SUB1: variants seen among roughly 807,000 people sequenced by gnomAD.
SUB1 encodes SUB1 regulator of transcription.
A neutral mutation model predicts 16.9 loss-of-function variants in SUB1; 1 was observed. That is an observed-to-expected ratio of 0.06 (90% confidence interval 0.02 to 0.28). The LOEUF (loss-of-function observed/expected upper bound fraction) is 0.28. Among genes scored for constraint, SUB1 ranks in the 10% least tolerant of loss-of-function variants. The pLI is 1.00. For synonymous variants in SUB1, 51 were observed against 46.9 expected (o/e 1.09, Z -0.36); for missense variants, 84 against 145.2 (o/e 0.58, Z 2.16).
chr5:32,589,784 G>C (rs1400207221), intron 2 of SUB1, among the ~76,000 whole-genome samples: 2 of 152,082 alleles, frequency 1.3e-5, no homozygotes, highest in Non-Finnish European at 2.9e-5. Flanking sequence ...TTGTAAAATA[G>C]TAAGTAATGA....
intron 3 of SUB1, among the ~76,000 whole-genome samples, chr5:32,592,652 A>G (rs567589238): frequency 2.0e-5 from 3 of 152,346 alleles, no homozygotes; most frequent in Admixed American, 2.0e-4. Context: ...CAGGTTAGGA[A>G]GAATGGACCA....
At chr5:32,590,976 C>T (rs1240531275) in intron 2 of SUB1, among the ~76,000 whole-genome samples, 1 of 151,652 alleles carries the variant, frequency 6.6e-6, no homozygotes, top group African/African-American at 2.4e-5. Context: ...CACCATGTGG[C>T]CAGGCTGGTC....
chr5:32,587,862 G>A (rs759182720), intron 1 of SUB1, among the ~76,000 whole-genome samples: 8 of 152,104 alleles, frequency 5.3e-5, no homozygotes, highest in Non-Finnish European at 1.2e-4. Flanking sequence ...GCCTGCTTTG[G>A]CCTCCTAAAG....
At position 32,602,387 on chromosome 5, in the gene SUB1, C is replaced by G. The variant is rs1739137136; in HGVS notation, c.*1303C>G. 3.3e-6 allele frequency: 1 copy of G among 304,852 alleles called. No individual in the cohort carries two copies. The highest frequency in any genetic ancestry group is 2.2e-5 in the African/African-American group (1 of 45,572). 18.9% of individuals were successfully genotyped at this position (304,852 alleles called of 1,614,324 possible). A position where few individuals can be genotyped will look rare whatever the true frequency, so the allele number is the denominator to read the frequency against. On this transcript the variant is annotated 3_prime_UTR_variant, in exon 5 of 5. Coordinates refer to ENST00000265073, the MANE Select transcript of SUB1 (RefSeq NM_006713.4). ...AGATTTTTATAACAGCAGTGGAACA[C>G]AATTCTAGGTAGAGTAGAAAAAGGA...
rs1419870953 is a variant in SUB1, at chr5:32,602,350, T to C, written c.*1266T>C. On this transcript the variant is annotated 3_prime_UTR_variant, in exon 5 of 5. Transcript: ENST00000265073. ...TTCTCTTCTATCTAAATGATATACA[T>C]ATGATATTTTGAGATTTTTATAACA... 7 of 338,990 alleles carry C rather than the reference T, an allele frequency of 2.1e-5. No individual in the cohort carries two copies. The highest frequency in any genetic ancestry group is 4.1e-5 in the Non-Finnish European group (7 of 171,764). The allele number at this position is 338,990 out of a possible 1,614,324, so 21.0% of individuals were successfully genotyped here.
chr5:32,592,624 T>G lies in SUB1; in HGVS notation c.195+939T>G, dbSNP rs529770278. Among the ~76,000 whole-genome samples, 22 of 152,246 alleles carry G rather than the reference T, an allele frequency of 1.4e-4. No individual in the cohort carries two copies. In the East Asian group the frequency reaches 4.2e-3, roughly 29 times the overall value. The stretch of plus-strand genomic sequence containing the variant: ...AGATGGTTTTTCCTAAAGAAGAAAT[T>G]ATGCCAATTACAAGATACAGGTTAG... On this transcript the variant is annotated intron_variant, in intron 3 of 4. Transcript: ENST00000265073.
intron 1 of SUB1, among the ~76,000 whole-genome samples, chr5:32,587,005 G>T (rs1738689307): frequency 6.6e-6 from 1 of 152,116 alleles, no homozygotes; most frequent in African/African-American, 2.4e-5. Flanking sequence ...TTTTTTTTAA[G>T]GAGGAATTTT....
intron 1 of SUB1, among the ~76,000 whole-genome samples, chr5:32,587,917 G>A (rs528530342): frequency 2.6e-5 from 4 of 152,206 alleles, no homozygotes; most frequent in African/African-American, 9.6e-5. Context: ...CCTGAATTGC[G>A]TATAATTTTG....
intron 2 of SUB1, chr5:32,591,267 C>G: frequency 5.0e-6 from 1 of 201,010 alleles, no homozygotes; most frequent in Non-Finnish European, 9.8e-6. Flanking sequence ...TTTTTTTCTA[C>G]CAAAGAAATC....
intron 1 of SUB1, among the ~76,000 whole-genome samples, chr5:32,586,950 C>A (rs1372863944): frequency 1.3e-5 from 2 of 152,122 alleles, no homozygotes; most frequent in Non-Finnish European, 2.9e-5. Context: ...TATGCAATGT[C>A]AGTGCTAATG....
chr5:32,597,498 G>A (rs1738997727), intron 3 of SUB1: 4 of 152,070 alleles, frequency 2.6e-5, no homozygotes, highest in Admixed American at 2.6e-4. Flanking sequence ...CTTGGCTCTT[G>A]TGAATAATGC....
intron 3 of SUB1, chr5:32,594,567 G>T: frequency 2.2e-6 from 1 of 451,050 alleles, no homozygotes; most frequent in Non-Finnish European, 4.5e-6. Context: ...TTTTGTGTTT[G>T]AAGGAATTAT....
intron 2 of SUB1, 31 bp downstream of exon 2, chr5:32,588,615 GATACTCAACAA>G: frequency 6.3e-7 from 1 of 1,599,186 alleles, no homozygotes; most frequent in Non-Finnish European, 8.6e-7. Context: ...TCATTTTGGT[GATACTCAACAA>G]TATTGTCCAT....
chr5:32,588,721 T>A, intron 2 of SUB1, 137 bp downstream of exon 2: 1 of 796,562 alleles, frequency 1.3e-6, no homozygotes, highest in Non-Finnish European at 1.8e-6. Context: ...CCTGTTATCC[T>A]ACTTCTTTGG....
intron 4 of SUB1, among the ~76,000 whole-genome samples, chr5:32,599,763 A>G (rs1485101986): frequency 1.3e-5 from 2 of 151,860 alleles, no homozygotes; most frequent in Non-Finnish European, 2.9e-5. Flanking sequence ...ATTTTCTTCA[A>G]GTCACTTCTG....
intron 3 of SUB1, chr5:32,597,162 T>C (rs1738989316): frequency 6.6e-6 from 1 of 152,152 alleles, no homozygotes; most frequent in Admixed American, 6.5e-5. Context: ...CATAAAAGTA[T>C]ATTCACATTG....
chr5:32,602,160 C>T lies in SUB1; in HGVS notation c.*1076C>T. Reference sequence around the variant, plus strand: ...TGATGATACTAAGTTTTAGCAGACACTAGTAAGTGGTTTGTATTTAACCAT... The same window carrying T: ...TGATGATACTAAGTTTTAGCAGACATTAGTAAGTGGTTTGTATTTAACCAT... On this transcript the variant is annotated 3_prime_UTR_variant, in exon 5 of 5. Transcript: ENST00000265073. 2.2e-6 allele frequency: 1 copy of T among 449,288 alleles called. No homozygotes were observed. Among genetic ancestry groups the T allele is most frequent in the Non-Finnish European group, 4.5e-6 (1 of 224,654 alleles). 27.8% of individuals were successfully genotyped at this position (449,288 alleles called of 1,614,324 possible).
chr5:32,586,914 T>C (rs1738685963), intron 1 of SUB1, among the ~76,000 whole-genome samples: 2 of 152,230 alleles, frequency 1.3e-5, no homozygotes, highest in African/African-American at 4.8e-5. Context: ...CCCACTTCTT[T>C]TTCCTTGACC....
intron 4 of SUB1, among the ~76,000 whole-genome samples, chr5:32,600,251 C>T (rs374546632): frequency 1.1e-4 from 16 of 152,282 alleles, no homozygotes; most frequent in African/African-American, 2.9e-4. Context: ...GTATGAATCA[C>T]GTCCTGGGAA....
Sources: gnomAD v4.1 joint callset for allele counts (sites outside exome capture counted in the v4.1 genomes callset) on GRCh38, gnomAD v4.1.1 for gene constraint, MANE v1.5 for transcripts, NCBI Gene and HGNC (gene_info 2026-07-23, HGNC 2026-07-21) for gene names.